The following IFFO2 variants were observed in gnomAD, a reference collection of about 807,000 sequenced individuals.
IFFO2 encodes intermediate filament family orphan 2.
Under a neutral mutation model 53.5 loss-of-function variants are expected in IFFO2, and 19 were observed. The ratio of observed to expected loss-of-function variants is 0.36; its 90% CI spans 0.25 to 0.52. IFFO2 has a LOEUF of 0.52. IFFO2 is among the 20% of genes least tolerant of loss of function. The probability of loss-of-function intolerance (pLI) is 0.94; values close to 1 mark genes in which losing one functional copy is unlikely to be tolerated. For missense variants in IFFO2, 570 were observed against 727.4 expected (o/e 0.78, Z 2.49); for synonymous variants, 303 against 313.6 (o/e 0.97, Z 0.36).
intron 1 of IFFO2, among the ~76,000 whole-genome samples, chr1:18,927,767 A>G (rs545531425): frequency 1.3e-5 from 2 of 152,370 alleles, no homozygotes; most frequent in South Asian, 4.1e-4. Flanking sequence ...GCAGTTTTGC[A>G]GAAGCTGATG....
chr1:18,932,678 G>A (rs925793013), intron 1 of IFFO2, among the ~76,000 whole-genome samples: 6 of 152,210 alleles, frequency 3.9e-5, no homozygotes, highest in Non-Finnish European at 7.3e-5. Flanking sequence ...CATGGAACAC[G>A]GCCTTTCTGC....
chr1:18,955,142 G>T (rs534974684), intron 1 of IFFO2, among the ~76,000 whole-genome samples: 1 of 152,278 alleles, frequency 6.6e-6, no homozygotes, highest in Non-Finnish European at 1.5e-5. Context: ...GGGTTGGTTA[G>T]AGTTTTTCTT....
Position 18,918,290 on chromosome 1 carries a change from G to T in IFFO2, c.963+72C>A. 1 of 1,475,928 alleles carries T rather than the reference G, an allele frequency of 6.8e-7. No individual in the cohort carries two copies. Among genetic ancestry groups the T allele is most frequent in the South Asian group, 1.2e-5 (1 of 80,220 alleles). 91.4% of individuals were successfully genotyped at this position (1,475,928 alleles called of 1,614,324 possible). A position where few individuals can be genotyped will look rare whatever the true frequency, so the allele number is the denominator to read the frequency against. Reference sequence around the variant, plus strand: ...GGATGTGGAGGCAAACGGGTTGGCCGGGCAGGGGTGGAGGCCAGGGCTGCT... The same window carrying T: ...GGATGTGGAGGCAAACGGGTTGGCCTGGCAGGGGTGGAGGCCAGGGCTGCT... On this transcript the variant is annotated intron_variant, in intron 4 of 8. Transcript: ENST00000455833. This position sits in a 1 kb window ranked among gnomAD's most constrained non-coding sequence, Gnocchi z 5.2.
chr1:18,929,559 C>A (rs1307972217), intron 1 of IFFO2, among the ~76,000 whole-genome samples: 1 of 152,134 alleles, frequency 6.6e-6, no homozygotes, highest in African/African-American at 2.4e-5. Flanking sequence ...CATTCCCCCA[C>A]CTGACATTCC....
intron 1 of IFFO2, among the ~76,000 whole-genome samples, chr1:18,925,897 GATGGA>G (rs1292824095): frequency 9.9e-4 from 24 of 24,318 alleles, no homozygotes; most frequent in African/African-American, 1.7e-3. Flanking sequence ...GGATGGATTG[GATGGA>G]TTGGTTGGAT....
chr1:18,908,726 A>G (rs1935988899), intron 8 of IFFO2, 60 bp from the exon 9 acceptor site: 1 of 1,236,572 alleles, frequency 8.1e-7, no homozygotes, highest in Non-Finnish European at 1.2e-6. Context: ...TGAAGGGTCA[A>G]GGAGTGGGAA....
chr1:18,938,866 C>T (rs1936483538), intron 1 of IFFO2, among the ~76,000 whole-genome samples: 1 of 152,212 alleles, frequency 6.6e-6, no homozygotes, highest in Admixed American at 6.5e-5. Flanking sequence ...GGTGATTTTG[C>T]CTTGGGACAG....
chr1:18,939,131 GC>G (rs1161753130), intron 1 of IFFO2, among the ~76,000 whole-genome samples: 3 of 152,212 alleles, frequency 2.0e-5, no homozygotes, highest in African/African-American at 7.2e-5. Context: ...GAGAGAGGAA[GC>G]CACAGGGTGG....
chr1:18,912,134 G>C, intron 5 of IFFO2, 51 bp from the exon 6 acceptor site: 2 of 1,549,382 alleles, frequency 1.3e-6, no homozygotes, highest in Non-Finnish European at 1.7e-6. Flanking sequence ...AGGCTCCAGG[G>C]ACCCATACAG....
chr1:18,927,252 A>T (rs1936314209), intron 1 of IFFO2, among the ~76,000 whole-genome samples: 1 of 152,140 alleles, frequency 6.6e-6, no homozygotes, highest in African/African-American at 2.4e-5. Context: ...GAGGTGTGGA[A>T]ATGGCCCACA....
chr1:18,904,497 G>T lies in IFFO2; in HGVS notation c.*4064C>A, dbSNP rs933846656. 3 of 152,156 alleles carry T rather than the reference G, an allele frequency of 2.0e-5. No individual in the cohort carries two copies. The highest frequency in any genetic ancestry group is 2.0e-4 in the Admixed American group (3 of 15,278). The allele number at this position is 152,156 out of a possible 1,614,324, so 9.4% of individuals were successfully genotyped here. A position where few individuals can be genotyped will look rare whatever the true frequency, so the allele number is the denominator to read the frequency against. On this transcript the variant is annotated 3_prime_UTR_variant, in exon 9 of 9. Transcript: ENST00000455833. ...GGGGTATAAAGTCTCCCTGGGTGGG[G>T]CTAAAAATCAGGTAGATGCAAAAAC...
intron 1 of IFFO2, among the ~76,000 whole-genome samples, chr1:18,944,549 C>T (rs1201172391): frequency 6.6e-6 from 1 of 152,118 alleles, no homozygotes; most frequent in Non-Finnish European, 1.5e-5. Context: ...ACTAGGCAGC[C>T]TCCCTTGCCC....
chr1:18,949,461 A>C (rs1391490939), intron 1 of IFFO2, among the ~76,000 whole-genome samples: 7 of 152,282 alleles, frequency 4.6e-5, no homozygotes, highest in Non-Finnish European at 8.8e-5. Context: ...GCACAGGGAC[A>C]TGACAGGGCT....
intron 1 of IFFO2, among the ~76,000 whole-genome samples, chr1:18,930,482 C>T (rs752778202): frequency 2.0e-5 from 3 of 152,192 alleles, no homozygotes; most frequent in Non-Finnish European, 4.4e-5. Context: ...GGAAAGAAGC[C>T]AGATGCTAAT....
intron 1 of IFFO2, among the ~76,000 whole-genome samples, chr1:18,941,522 G>T (rs763747816): frequency 5.3e-5 from 8 of 152,202 alleles, no homozygotes; most frequent in South Asian, 2.1e-4. Flanking sequence ...ACAAGGCCTC[G>T]CAAGGCAGTC....
intron 5 of IFFO2, among the ~76,000 whole-genome samples, chr1:18,913,414 A>G (rs1179335506): frequency 1.3e-5 from 2 of 152,256 alleles, no homozygotes; most frequent in Admixed American, 1.3e-4. Flanking sequence ...TGGGATCTGA[A>G]GGAAACCCCA....
chr1:18,914,275 C>CAAA (rs1936098356), intron 5 of IFFO2, among the ~76,000 whole-genome samples: 1 of 152,202 alleles, frequency 6.6e-6, no homozygotes, highest in South Asian at 2.1e-4. Context: ...CACACTGGAG[C>CAAA]CTTTGCCCAT....
Position 18,911,373 on chromosome 1 carries a change from C to G in IFFO2, c.1317+11G>C. ...AGCCTCACGAGTGGGCTCCACGTCC[C>G]GAGCCCTCACCTCGATCTGACCTAT... On this transcript the variant is annotated intron_variant, in intron 7 of 8. Transcript: ENST00000455833. 6.9e-7 allele frequency: 1 copy of G among 1,455,458 alleles called. No individual in the cohort carries two copies. The highest frequency in any genetic ancestry group is 9.2e-7 in the Non-Finnish European group (1 of 1,085,938). 90.2% of individuals were successfully genotyped at this position (1,455,458 alleles called of 1,614,324 possible).
intron 1 of IFFO2, among the ~76,000 whole-genome samples, chr1:18,945,054 A>G (rs564961357): frequency 1.0e-3 from 153 of 152,266 alleles, no homozygotes; most frequent in African/African-American, 3.5e-3. Context: ...GCTCAACTCC[A>G]GGCCCTTGTA....
Sources: allele counts gnomAD v4.1 joint callset (sites outside exome capture counted in the v4.1 genomes callset), GRCh38; gene constraint gnomAD v4.1.1; non-coding constraint Gnocchi (gnomAD v3.1); transcripts MANE v1.5; gene names NCBI Gene and HGNC (gene_info 2026-07-23, HGNC 2026-07-21).